The following MTHFD1 variants were observed in gnomAD, a reference collection of about 807,000 sequenced individuals.
MTHFD1 encodes the protein methylenetetrahydrofolate dehydrogenase, cyclohydrolase and formyltetrahydrofolate synthetase 1.
MTHFD1 carries 44 observed loss-of-function variants against 110.3 expected under a neutral mutation model. The ratio of observed to expected loss-of-function variants is 0.40; its 90% CI spans 0.31 to 0.51. MTHFD1 has a LOEUF of 0.51. Among genes scored for constraint, MTHFD1 ranks in the 20% least tolerant of loss-of-function variants. MTHFD1 has a pLI of 0.60. For synonymous variants in MTHFD1, 402 were observed against 428.8 expected (o/e 0.94, Z 0.77); for missense variants, 909 against 1,173.1 (o/e 0.77, Z 3.29).
At chr14:64,430,128 C>G in intron 12 of MTHFD1, 56 bp from the exon 13 acceptor site, 1 of 1,470,832 alleles carries the variant, frequency 6.8e-7, no homozygotes. Context: ...TATTTGATTT[C>G]TAAGTCATTG....
intron 1 of MTHFD1, among the ~76,000 whole-genome samples, chr14:64,392,212 A>G (rs2077811874): frequency 6.6e-6 from 1 of 152,206 alleles, no homozygotes; most frequent in Non-Finnish European, 1.5e-5. Flanking sequence ...TTGGGGGGTC[A>G]ATGGCAATGG....
Position 64,448,042 on chromosome 14 carries a change from C to G in MTHFD1, c.2179-175C>G. The G allele has an allele frequency of 4.6e-6, 3 of 650,212 alleles. No homozygotes were observed. In the South Asian group the frequency reaches 5.1e-5, roughly 11 times the overall value. The allele number at this position is 650,212 out of a possible 1,614,324, so 40.3% of individuals were successfully genotyped here. A position where few individuals can be genotyped will look rare whatever the true frequency, so the allele number is the denominator to read the frequency against. On this transcript the variant is annotated intron_variant, in intron 22 of 27. Transcript: ENST00000652337. ...GAGTGAAAGCTGCAGTTCTCCATAG[C>G]ATCCACTCACCGCACTGGAAAAAAT...
chr14:64,427,549 A>C (rs907898019), intron 12 of MTHFD1, 76 bp downstream of exon 12: 21 of 1,404,396 alleles, frequency 1.5e-5, no homozygotes, highest in Non-Finnish European at 1.9e-5. Context: ...CACGCAACCT[A>C]TGATACTTAT....
At chr14:64,409,985 C>T (rs2077969469) in intron 2 of MTHFD1, among the ~76,000 whole-genome samples, 1 of 152,282 alleles carries the variant, frequency 6.6e-6, no homozygotes, top group Non-Finnish European at 1.5e-5. Flanking sequence ...TCTGTGATAC[C>T]CTCTGCAATT....
intron 22 of MTHFD1, among the ~76,000 whole-genome samples, chr14:64,447,829 T>A (rs1159875554): frequency 6.6e-6 from 1 of 152,186 alleles, no homozygotes; most frequent in African/African-American, 2.4e-5. Flanking sequence ...TAATTTGTAT[T>A]ATCATAACCC....
intron 12 of MTHFD1, among the ~76,000 whole-genome samples, chr14:64,428,102 GTT>G (rs11289659): frequency 0.079 from 5,926 of 75,116 alleles, 209 homozygotes; most frequent in African/African-American, 0.19. Flanking sequence ...AAGAACATGT[GTT>G]TTTTTTTTTT....
In MTHFD1 at chr14:64,433,047, C is replaced by T. The variant is rs533817783; in HGVS notation, c.1494+1186C>T. ...AAAGTGTTGGGATTACTGGCGTGAG[C>T]CACCACGTCTGGCCACAAGGGATTT... On this transcript the variant is annotated intron_variant, in intron 15 of 27. Transcript: ENST00000652337. Among the ~76,000 whole-genome samples, 9 of 152,306 alleles carry T rather than the reference C, an allele frequency of 5.9e-5. No individual in the cohort carries two copies. In the East Asian group the frequency reaches 1.5e-3, roughly 26 times the overall value.
intron 13 of MTHFD1, among the ~76,000 whole-genome samples, chr14:64,430,843 C>T (rs2078152594): frequency 6.6e-6 from 1 of 152,166 alleles, no homozygotes; most frequent in African/African-American, 2.4e-5. Context: ...ATTTATGTAA[C>T]TGCAGAAATT....
chr14:64,440,108 T>C lies in MTHFD1; in HGVS notation c.1675-18T>C. The C allele has an allele frequency of 6.2e-7, 1 of 1,609,706 alleles. No individual in the cohort carries two copies. Among genetic ancestry groups the C allele is most frequent in the Non-Finnish European group, 8.5e-7 (1 of 1,177,602 alleles). On this transcript the variant is annotated intron_variant, in intron 17 of 27. Transcript: ENST00000652337. ...TTAACACAAAGTTTTTGCTAGTACC[T>C]CTTTTCCCTGCCCACAGGCCCAGTT...
chr14:64,432,798 C>T (rs76993093), intron 15 of MTHFD1, among the ~76,000 whole-genome samples: 25,067 of 152,188 alleles, frequency 0.16, 2,466 homozygotes, highest in Non-Finnish European at 0.22. Context: ...CTCTGTAACC[C>T]GGCTGGAGTG....
chr14:64,391,978 G>GCA (rs778497707), intron 1 of MTHFD1, among the ~76,000 whole-genome samples: 68 of 152,000 alleles, frequency 4.5e-4, no homozygotes, highest in Non-Finnish European at 9.0e-4. Flanking sequence ...CTGGTGGGAA[G>GCA]CACAAAGAGA....
chr14:64,449,169 T>C lies in MTHFD1; in HGVS notation c.2280-276T>C, dbSNP rs1339634868. Reference sequence around the variant, plus strand: ...CTGGGAATTTTCCAAGTATTTTACATGGATTTACCATCTGAGTCTCATAAC... The same window carrying C: ...CTGGGAATTTTCCAAGTATTTTACACGGATTTACCATCTGAGTCTCATAAC... On this transcript the variant is annotated intron_variant, in intron 23 of 27. Coordinates refer to ENST00000652337, the MANE Select transcript of MTHFD1 (RefSeq NM_005956.4). 2.1e-5 allele frequency: 10 copies of C among 481,088 alleles called. No homozygotes were observed. In the East Asian group the frequency reaches 4.1e-4, roughly 20 times the overall value. The allele number at this position is 481,088 out of a possible 1,614,324, so 29.8% of individuals were successfully genotyped here. A position where few individuals can be genotyped will look rare whatever the true frequency, so the allele number is the denominator to read the frequency against.
At chr14:64,449,683 G>C in intron 24 of MTHFD1, 61 bp downstream of exon 24, 1 of 1,576,010 alleles carries the variant, frequency 6.3e-7, no homozygotes, top group Non-Finnish European at 8.6e-7. Flanking sequence ...TGAAGTTTCT[G>C]TGTGGCTACT....
chr14:64,440,775 C>G (rs535430363), intron 18 of MTHFD1: 7 of 234,860 alleles, frequency 3.0e-5, no homozygotes, highest in African/African-American at 1.6e-4. Flanking sequence ...CGAGCATTGT[C>G]GTGCTCTAAA....
At chr14:64,415,817 T>C (rs2078021720) in intron 6 of MTHFD1, 78 bp downstream of exon 6, 1 of 1,388,332 alleles carries the variant, frequency 7.2e-7, no homozygotes, top group Non-Finnish European at 1.0e-6. Context: ...ATAGAGGAGG[T>C]ACATTGTGGG....
At position 64,388,399 on chromosome 14, in the gene MTHFD1, C is replaced by A; in HGVS notation, c.-29C>A. On this transcript the variant is annotated 5_prime_UTR_variant, in exon 1 of 28. Coordinates refer to ENST00000652337, the MANE Select transcript of MTHFD1 (RefSeq NM_005956.4). ...AGTGGAACCTCGATATTGGTGGTGT[C>A]CATCGTGGGCAGCGGACTAATAAAG... The A allele has an allele frequency of 6.2e-7, 1 of 1,614,162 alleles. No homozygotes were observed. The highest frequency in any genetic ancestry group is 8.5e-7 in the Non-Finnish European group (1 of 1,180,048).
chr14:64,421,207 T>C (rs538524809), intron 8 of MTHFD1, among the ~76,000 whole-genome samples: 1 of 152,268 alleles, frequency 6.6e-6, no homozygotes, highest in East Asian at 1.9e-4. Context: ...TTGTATCTTT[T>C]GTTGCATGTG....
chr14:64,455,177 T>TG (rs1405088488), intron 26 of MTHFD1: 1 of 402,892 alleles, frequency 2.5e-6, no homozygotes, highest in Non-Finnish European at 4.7e-6. Flanking sequence ...GTTGATAGGC[T>TG]GGGGTAGTGC....
At chr14:64,429,643 G>A (rs1024806541) in intron 12 of MTHFD1, among the ~76,000 whole-genome samples, 5 of 152,064 alleles carry the variant, frequency 3.3e-5, no homozygotes, top group Admixed American at 2.6e-4. Flanking sequence ...TCAGTATGAT[G>A]AAAATATTCC....
Sources: allele counts gnomAD v4.1 joint callset (sites outside exome capture counted in the v4.1 genomes callset), GRCh38; gene constraint gnomAD v4.1.1; transcripts MANE v1.5; gene names NCBI Gene and HGNC (gene_info 2026-07-23, HGNC 2026-07-21).